Variants in GPM6B observed in about 807,000 individuals in gnomAD.
The protein encoded by GPM6B is glycoprotein M6B.
In GPM6B, 4 loss-of-function variants were observed where a neutral mutation model predicts 27.2. That is an observed-to-expected ratio of 0.15 (90% CI 0.07 to 0.34). The LOEUF (loss-of-function observed/expected upper bound fraction) is 0.34. Among genes scored for constraint, GPM6B ranks in the 10% least tolerant of loss-of-function variants. The pLI is 1.00. For synonymous variants in GPM6B, 124 were observed against 103.1 expected, an observed-to-expected ratio of 1.20 and a Z score of -1.23; for missense variants, 183 against 261.9, an observed-to-expected ratio of 0.70 and a Z score of 2.08.
intron 1 of GPM6B, among the ~76,000 whole-genome samples, chrX:13,929,023 A>G (rs753380770): frequency 8.9e-6 from 1 of 112,031 alleles, no homozygotes; most frequent in African/African-American, 3.2e-5. Flanking sequence ...ACACATGAAC[A>G]AACGTAATGA....
chrX:13,914,382 T>C (rs984147869), intron 1 of GPM6B, among the ~76,000 whole-genome samples: 3 of 112,535 alleles, frequency 2.7e-5, no homozygotes, highest in Non-Finnish European at 5.6e-5. Context: ...TGTGATTCTA[T>C]GACCAAGTTC....
chrX:13,843,533 G>A (rs186826862), intron 1 of GPM6B, among the ~76,000 whole-genome samples: 2 of 112,271 alleles, frequency 1.8e-5, no homozygotes, highest in African/African-American at 6.5e-5. Context: ...GTTTTCCAAA[G>A]CAGCTGTACC....
At chrX:13,793,725 AC>A (rs1285221425) in intron 2 of GPM6B, among the ~76,000 whole-genome samples, 1 of 111,874 alleles carries the variant, frequency 8.9e-6, no homozygotes, top group African/African-American at 3.3e-5. Flanking sequence ...CCCTGGCTTC[AC>A]CCCAGACCAA....
chrX:13,773,670 T>C (rs760035995), intron 7 of GPM6B: 2 of 111,773 alleles, frequency 1.8e-5, no homozygotes, highest in East Asian at 2.8e-4. Flanking sequence ...TTCTTTACAC[T>C]TGATGCGGCA....
chrX:13,901,299 C>A (rs1193251066), intron 1 of GPM6B, among the ~76,000 whole-genome samples: 1 of 111,134 alleles, frequency 9.0e-6, no homozygotes, highest in Admixed American at 9.6e-5. Context: ...GTTACAGACA[C>A]AGGAAGATGT....
At chrX:13,894,159 C>A (rs1178737609) in intron 1 of GPM6B, among the ~76,000 whole-genome samples, 2 of 111,918 alleles carry the variant, frequency 1.8e-5, no homozygotes, top group African/African-American at 3.2e-5. Context: ...TTTCCACATA[C>A]GTAAGGAAGA....
intron 2 of GPM6B, among the ~76,000 whole-genome samples, chrX:13,795,356 T>A (rs926576895): frequency 8.9e-6 from 1 of 112,313 alleles, no homozygotes; most frequent in African/African-American, 3.2e-5. Flanking sequence ...AAGAAACCAC[T>A]AGCTGCTGAA....
chrX:13,859,758 G>A (rs1345272318), intron 1 of GPM6B, among the ~76,000 whole-genome samples: 1 of 111,392 alleles, frequency 9.0e-6, no homozygotes, highest in African/African-American at 3.3e-5. Context: ...TTGTCATAGG[G>A]ATTAGATGAG....
Position 13,926,331 on chromosome X carries a change from C to T in GPM6B, c.-198+11996G>A, listed in dbSNP as rs187661744. ...GCTGAAGCAGGACAATGGCGTGAAC[C>T]CAGGAGGCGGAGCTTGCAGTGAGCC... On this transcript the variant is annotated intron_variant, in intron 1 of 6. Transcript: ENST00000398361. Among the ~76,000 whole-genome samples the T allele has an allele frequency of 4.6e-3, 494 of 108,386 alleles. 2 individuals carry two copies. The highest frequency in any genetic ancestry group is 7.3e-3 in the Non-Finnish European group (380 of 52,321). The allele number at this position is 108,386 out of a possible 115,157, so 94.1% of individuals were successfully genotyped here.
At chrX:13,893,139 G>A (rs12847339) in intron 1 of GPM6B, among the ~76,000 whole-genome samples, 1 of 111,909 alleles carries the variant, frequency 8.9e-6, no homozygotes, top group Non-Finnish European at 1.9e-5. Flanking sequence ...CTCTGATCTA[G>A]ACGGCCATTT....
chrX:13,883,687 G>A (rs1488279966), intron 1 of GPM6B, among the ~76,000 whole-genome samples: 1 of 85,806 alleles, frequency 1.2e-5, no homozygotes, highest in Non-Finnish European at 2.2e-5. Flanking sequence ...ACGAGACTTC[G>A]TCTCTTAAAA....
chrX:13,807,118 G>A (rs1376659744), intron 2 of GPM6B, among the ~76,000 whole-genome samples: 4 of 112,292 alleles, frequency 3.6e-5, no homozygotes, highest in Non-Finnish European at 7.5e-5. Context: ...GATGGGAATC[G>A]GGTACATGGT....
chrX:13,841,051 T>C (rs1175403911), intron 1 of GPM6B, among the ~76,000 whole-genome samples: 1 of 112,531 alleles, frequency 8.9e-6, no homozygotes, highest in African/African-American at 3.2e-5. Flanking sequence ...CTGCATACTT[T>C]AGACGTTCAT....
At chrX:13,823,601 C>A (rs1460434000) in intron 1 of GPM6B, among the ~76,000 whole-genome samples, 2 of 108,214 alleles carry the variant, frequency 1.8e-5, no homozygotes, top group Non-Finnish European at 3.8e-5. Flanking sequence ...CTCCCTGCAA[C>A]CTCTGCCTCT....
At chrX:13,837,724 G>GGGGGGC (rs1555918783) in intron 1 of GPM6B, among the ~76,000 whole-genome samples, 7 of 32,885 alleles carry the variant, frequency 2.1e-4, no homozygotes, top group South Asian at 1.4e-3. Context: ...GGGGGGGGGG[G>GGGGGGC]GGGGAAGCAG....
intron 1 of GPM6B, among the ~76,000 whole-genome samples, chrX:13,842,741 A>T (rs938386051): frequency 9.0e-6 from 1 of 111,129 alleles, no homozygotes; most frequent in Non-Finnish European, 1.9e-5. Flanking sequence ...AAGAAAAAAA[A>T]TTTTTTAAAA....
intron 1 of GPM6B, among the ~76,000 whole-genome samples, chrX:13,894,696 CAGG>C (rs2050216966): frequency 8.9e-6 from 1 of 112,396 alleles, no homozygotes; most frequent in Non-Finnish European, 1.9e-5. Context: ...AGAAAGAATA[CAGG>C]AGATCAAACA....
At chrX:13,826,264 G>A (rs1048012128) in intron 1 of GPM6B, among the ~76,000 whole-genome samples, 1 of 110,734 alleles carries the variant, frequency 9.0e-6, no homozygotes, top group African/African-American at 3.3e-5. Context: ...AGACCCTAGG[G>A]AGGTAGAGTG....
chrX:13,933,402 T>C (rs779818619), intron 1 of GPM6B, among the ~76,000 whole-genome samples: 34 of 111,693 alleles, frequency 3.0e-4, no homozygotes, highest in Non-Finnish European at 5.8e-4. Context: ...CCCCATATCC[T>C]CCATTCTTTT....
Sources: gnomAD v4.1 joint callset for allele counts (sites outside exome capture counted in the v4.1 genomes callset) on GRCh38, gnomAD v4.1.1 for gene constraint, MANE v1.5 for transcripts, NCBI Gene and HGNC (gene_info 2026-07-23, HGNC 2026-07-21) for gene names.